DGKH: variants seen among roughly 807,000 people sequenced by gnomAD.
The protein encoded by DGKH is DAG kinase eta.
Under a neutral mutation model 159.3 loss-of-function variants are expected in DGKH, and 90 were observed. The observed-to-expected ratio is 0.57, with a 90% CI of 0.48 to 0.67. The LOEUF (loss-of-function observed/expected upper bound fraction) is 0.67. Ranked by LOEUF, DGKH falls within the 30% of genes least tolerant of loss-of-function variation. The probability of loss-of-function intolerance (pLI) is 0.00; values close to 1 mark genes in which losing one functional copy is unlikely to be tolerated. For synonymous variants in DGKH, 536 were observed against 553.8 expected, an observed-to-expected ratio of 0.97 and a Z score of 0.45; for missense variants, 1,181 against 1,506.1, an observed-to-expected ratio of 0.78 and a Z score of 3.57.
At chr13:42,120,173 A>G (rs1955042659) in intron 1 of DGKH, among the ~76,000 whole-genome samples, 1 of 152,238 alleles carries the variant, frequency 6.6e-6, no homozygotes, top group African/African-American at 2.4e-5. Context: ...TAAAGTGAAA[A>G]TAATATGTTA....
At chr13:42,253,013 A>G (rs1000841741) in intron 30 of DGKH, among the ~76,000 whole-genome samples, 1 of 152,218 alleles carries the variant, frequency 6.6e-6, no homozygotes, top group Middle Eastern at 3.4e-3. Flanking sequence ...TTATTATCCA[A>G]TTTCAAGCAT....
intron 3 of DGKH, among the ~76,000 whole-genome samples, chr13:42,143,310 T>C (rs1030809035): frequency 6.6e-6 from 1 of 152,222 alleles, no homozygotes; most frequent in African/African-American, 2.4e-5. Context: ...CAGTATTTTA[T>C]TGGGGATTTT....
At chr13:42,214,845 C>T (rs2138220260) in intron 25 of DGKH, among the ~76,000 whole-genome samples, 1 of 152,144 alleles carries the variant, frequency 6.6e-6, no homozygotes, top group South Asian at 2.1e-4. Context: ...TCACTTGTCA[C>T]CTTCCATCTG....
intron 13 of DGKH, among the ~76,000 whole-genome samples, chr13:42,182,784 T>G (rs1956807092): frequency 1.3e-5 from 2 of 152,266 alleles, no homozygotes; most frequent in Admixed American, 6.5e-5. Context: ...ATATAATCTT[T>G]TTAAAAATCT....
rs559704785 is a variant in DGKH, at chr13:42,226,478, T to C, written c.3574-2621T>C. On this transcript the variant is annotated intron_variant, in intron 29 of 29. Coordinates refer to ENST00000337343, the MANE Select transcript of DGKH (RefSeq NM_178009.5). The stretch of plus-strand genomic sequence containing the variant: ...CCCACAGGAATATAAATCATTGTAT[T>C]ATAAAGATACATGCACACATATGTT... 2.6e-5 allele frequency among the ~76,000 whole-genome samples: 4 copies of C among 152,280 alleles called. No individual in the cohort carries two copies. In the South Asian group the frequency reaches 8.3e-4, roughly 32 times the overall value.
chr13:42,045,715 T>C (rs965469391), upstream of DGKH, among the ~76,000 whole-genome samples: 7 of 152,236 alleles, frequency 4.6e-5, no homozygotes, highest in Non-Finnish European at 8.8e-5. Context: ...CCTTATTGAT[T>C]AGGAACACAA....
intron 12 of DGKH, among the ~76,000 whole-genome samples, chr13:42,175,841 C>T (rs1258176622): frequency 6.6e-6 from 1 of 152,172 alleles, no homozygotes; most frequent in South Asian, 2.1e-4. Context: ...TTGAAAACTG[C>T]GATAAAAGTA....
chr13:42,182,179 T>G (rs899973259), intron 13 of DGKH, among the ~76,000 whole-genome samples: 2 of 152,260 alleles, frequency 1.3e-5, no homozygotes, highest in African/African-American at 4.8e-5. Context: ...GAGGTGCAGC[T>G]TTGACTTCCA....
chr13:42,161,932 A>C (rs1489765358), intron 7 of DGKH, among the ~76,000 whole-genome samples: 1 of 152,214 alleles, frequency 6.6e-6, no homozygotes, highest in Non-Finnish European at 1.5e-5. Flanking sequence ...TAACTTTAAC[A>C]GCAGGAGTTA....
intron 7 of DGKH, among the ~76,000 whole-genome samples, chr13:42,164,647 G>A (rs933278082): frequency 2.0e-5 from 3 of 152,196 alleles, no homozygotes; most frequent in Non-Finnish European, 4.4e-5. Flanking sequence ...TACTTAATAA[G>A]TTATCCTTGT....
chr13:42,207,145 CCTTCCTTCCTTCCT>C lies in DGKH; in HGVS notation c.2601+1000_2601+1013del. Among the ~76,000 whole-genome samples the C allele has an allele frequency of 3.3e-5, 2 of 60,476 alleles. 1 individual carries two copies. The highest frequency in any genetic ancestry group is 6.4e-5 in the Non-Finnish European group (2 of 31,072). The allele number at this position is 60,476 out of a possible 152,430, so 39.7% of individuals were successfully genotyped here. A position where few individuals can be genotyped will look rare whatever the true frequency, so the allele number is the denominator to read the frequency against. On this transcript the variant is annotated intron_variant, in intron 21 of 29. Transcript: ENST00000337343. ...TCTCTCCTTCCTTCCTTCCTTCCTT[CCTTCCTTCCTTCCT>C]TCCTTCCTTCCTTCCTTCCTTCCTT...
At chr13:42,146,882 T>A (rs958366285) in intron 3 of DGKH, among the ~76,000 whole-genome samples, 1 of 152,346 alleles carries the variant, frequency 6.6e-6, no homozygotes, top group East Asian at 1.9e-4. Flanking sequence ...GAATTTTGTA[T>A]CATAAATGTT....
intron 1 of DGKH, among the ~76,000 whole-genome samples, chr13:42,041,337 C>T (rs973940799): frequency 6.6e-6 from 1 of 152,140 alleles, no homozygotes; most frequent in Non-Finnish European, 1.5e-5. Flanking sequence ...CCTGGGCGCG[C>T]AGGTTCCCGG....
chr13:42,105,709 A>AT (rs1954737768), intron 1 of DGKH, among the ~76,000 whole-genome samples: 1 of 152,218 alleles, frequency 6.6e-6, no homozygotes, highest in Admixed American at 6.5e-5. Flanking sequence ...GGTAAGCTTT[A>AT]TAAGTAGATA....
chr13:42,201,239 C>T (rs1035933753), intron 20 of DGKH, among the ~76,000 whole-genome samples: 1 of 152,168 alleles, frequency 6.6e-6, no homozygotes, highest in African/African-American at 2.4e-5. Context: ...GGTCTGCCCG[C>T]CTCGGCCTTC....
chr13:42,172,118 A>G (rs1264163469), intron 11 of DGKH, among the ~76,000 whole-genome samples: 2 of 145,884 alleles, frequency 1.4e-5, no homozygotes, highest in Non-Finnish European at 3.0e-5. Flanking sequence ...ATGAGCCACC[A>G]CACCCAGCCT....
At chr13:42,068,868 T>G in intron 1 of DGKH, 1 of 788,578 alleles carries the variant, frequency 1.3e-6, no homozygotes, top group South Asian at 3.8e-5. Flanking sequence ...TGACTTAAAC[T>G]CTAGTAATAA....
upstream of DGKH, among the ~76,000 whole-genome samples, chr13:42,044,794 T>C (rs1731791437): frequency 6.6e-6 from 1 of 152,196 alleles, no homozygotes; most frequent in East Asian, 1.9e-4. Context: ...TGAAATGCAA[T>C]CAAATTTCAG....
rs1024515616 is a variant in DGKH, at chr13:42,235,991, G to A, written c.*6803G>A. 3.9e-5 allele frequency: 6 copies of A among 152,038 alleles called. No individual in the cohort carries two copies. Among genetic ancestry groups the A allele is most frequent in the African/African-American group, 7.2e-5 (3 of 41,392 alleles). 9.4% of individuals were successfully genotyped at this position (152,038 alleles called of 1,614,324 possible). On this transcript the variant is annotated 3_prime_UTR_variant, in exon 30 of 30. Coordinates refer to ENST00000337343, the MANE Select transcript of DGKH (RefSeq NM_178009.5). ...ATTCAAACTGCCAAGATGTATTTTA[G>A]TTTGCAGGATTTTTGGCAGACAAAA...
Sources: allele counts gnomAD v4.1 joint callset (sites outside exome capture counted in the v4.1 genomes callset), GRCh38; gene constraint gnomAD v4.1.1; transcripts MANE v1.5; gene names NCBI Gene and HGNC (gene_info 2026-07-23, HGNC 2026-07-21).